Variants in HYCC2 observed in about 807,000 individuals in gnomAD.
The protein encoded by HYCC2 is hyccin 2.
At chr2:201,040,683 C>T in the HYCC2 span, among the ~76,000 whole-genome samples, 1 of 152,004 alleles carries the variant, frequency 6.6e-6, no homozygotes, top group Admixed American at 6.6e-5. Flanking sequence ...TGGGGTTTCA[C>T]CATGTTGGCC....
the HYCC2 span, chr2:200,988,211 G>A: frequency 1.3e-6 from 2 of 1,499,196 alleles, no homozygotes; most frequent in Admixed American, 4.2e-5. Flanking sequence ...TGTAAAAACA[G>A]TGATAAATTT....
At chr2:201,044,791 C>T in the HYCC2 span, among the ~76,000 whole-genome samples, 5 of 151,906 alleles carry the variant, frequency 3.3e-5, no homozygotes, top group African/African-American at 7.3e-5. Context: ...CTTTATAGTA[C>T]AGAGATTATT....
chr2:200,981,350 C>G, the HYCC2 span: 3 of 1,614,166 alleles, frequency 1.9e-6, no homozygotes, highest in African/African-American at 1.3e-5. This position sits in a 1 kb window ranked among gnomAD's most constrained non-coding sequence, Gnocchi z 4.5. Context: ...CTGAGGAGCT[C>G]TTTACCTTCG....
At chr2:201,042,664 G>C in the HYCC2 span, among the ~76,000 whole-genome samples, 32 of 151,814 alleles carry the variant, frequency 2.1e-4, no homozygotes, top group African/African-American at 7.5e-4. Context: ...GAAGTGAGGA[G>C]CGTCTCCGCC....
chr2:201,015,166 T>C, the HYCC2 span, among the ~76,000 whole-genome samples: 1 of 152,206 alleles, frequency 6.6e-6, no homozygotes, highest in Non-Finnish European at 1.5e-5. Flanking sequence ...CTATTTTGCT[T>C]CCTTGCACTG....
chr2:201,040,560 C>G, the HYCC2 span, among the ~76,000 whole-genome samples: 1 of 151,524 alleles, frequency 6.6e-6, no homozygotes, highest in Non-Finnish European at 1.5e-5. Context: ...AAAATCTCAG[C>G]TCACTGCAAC....
At chr2:200,986,952 A>G in the HYCC2 span, among the ~76,000 whole-genome samples, 2 of 152,248 alleles carry the variant, frequency 1.3e-5, no homozygotes, top group African/African-American at 4.8e-5. Context: ...ACAAAATTTT[A>G]AAGAATAAAT....
the HYCC2 span, among the ~76,000 whole-genome samples, chr2:200,991,365 C>G: frequency 6.6e-6 from 1 of 151,962 alleles, no homozygotes; most frequent in Non-Finnish European, 1.5e-5. Flanking sequence ...GTCAGGAGAT[C>G]GAGACCATCC....
At chr2:200,996,022 T>C in the HYCC2 span, 1 of 147,756 alleles carries the variant, frequency 6.8e-6, no homozygotes, top group East Asian at 2.0e-4. Flanking sequence ...TAAATTTTTC[T>C]TTTTTCTTTT....
chr2:201,023,107 G>C, the HYCC2 span, among the ~76,000 whole-genome samples: 13 of 152,172 alleles, frequency 8.5e-5, no homozygotes. Flanking sequence ...CCAGCAGTTT[G>C]GGAGGTCAAG....
chr2:200,999,598 C>T, the HYCC2 span, among the ~76,000 whole-genome samples: 4 of 150,980 alleles, frequency 2.6e-5, no homozygotes, highest in Non-Finnish European at 5.9e-5. Context: ...CTATTTTGGC[C>T]AGGCTGGTCT....
the HYCC2 span, among the ~76,000 whole-genome samples, chr2:201,005,330 A>C: frequency 6.6e-6 from 1 of 152,248 alleles, no homozygotes; most frequent in South Asian, 2.1e-4. Flanking sequence ...AATAGTCATC[A>C]TTACTATTCT....
At chr2:201,064,529 C>T in the HYCC2 span, among the ~76,000 whole-genome samples, 37 of 152,144 alleles carry the variant, frequency 2.4e-4, no homozygotes, top group Middle Eastern at 3.4e-3. Flanking sequence ...CTATTGTCTT[C>T]GGAAACCTTG....
chr2:200,981,648 G>A, the HYCC2 span: 1 of 1,614,066 alleles, frequency 6.2e-7, no homozygotes, highest in Non-Finnish European at 8.5e-7. The surrounding 1 kb of genome is among the most constrained non-coding windows in gnomAD (Gnocchi z 4.5). Flanking sequence ...CATACTGCTT[G>A]CGAACTACTG....
the HYCC2 span, among the ~76,000 whole-genome samples, chr2:200,992,110 T>C: frequency 1.3e-5 from 2 of 152,218 alleles, no homozygotes; most frequent in African/African-American, 2.4e-5. Context: ...TTTATTTTGG[T>C]ACTGGAAGGT....
At chr2:201,070,172 A>C in the HYCC2 span, among the ~76,000 whole-genome samples, 1 of 152,156 alleles carries the variant, frequency 6.6e-6, no homozygotes, top group South Asian at 2.1e-4. Context: ...TAGAATTCCT[A>C]TTTTAATTCT....
the HYCC2 span, among the ~76,000 whole-genome samples, chr2:201,017,588 A>C: frequency 6.6e-6 from 1 of 152,232 alleles, no homozygotes; most frequent in Admixed American, 6.5e-5. Flanking sequence ...CTATGATTTA[A>C]GCAAATTATA....
At chr2:201,069,486 T>C in the HYCC2 span, among the ~76,000 whole-genome samples, 1 of 151,146 alleles carries the variant, frequency 6.6e-6, no homozygotes, top group African/African-American at 2.4e-5. Context: ...TACTGGCCAT[T>C]CAAAATCAGC....
At chr2:201,020,505 T>C in the HYCC2 span, among the ~76,000 whole-genome samples, 54 of 152,216 alleles carry the variant, frequency 3.5e-4, no homozygotes, top group Non-Finnish European at 6.6e-4. Flanking sequence ...GGAGGTAAGC[T>C]GAAATAAAGT....
Sources: allele counts gnomAD v4.1 joint callset (sites outside exome capture counted in the v4.1 genomes callset), GRCh38; gene constraint gnomAD v4.1.1; non-coding constraint Gnocchi (gnomAD v3.1); transcripts MANE v1.5; gene names NCBI Gene and HGNC (gene_info 2026-07-23, HGNC 2026-07-21).